The following DOCK3 variants were observed in gnomAD, a reference collection of about 807,000 sequenced individuals.
DOCK3 encodes the protein dedicator of cytokinesis 3.
DOCK3 carries 60 observed loss-of-function variants against 265.6 expected under a neutral mutation model. The observed-to-expected ratio is 0.23, with a 90% CI of 0.18 to 0.28. DOCK3 has a LOEUF of 0.28. DOCK3 is among the 10% of genes least tolerant of loss of function. The pLI, the probability that DOCK3 is intolerant of heterozygous loss-of-function variation, is 1.00. For synonymous variants in DOCK3, 881 were observed against 938.0 expected (o/e 0.94, Z 1.11); for missense variants, 1,981 against 2,594.3 (o/e 0.76, Z 5.14).
At chr3:50,964,140 TATC>T (rs2076963127) in intron 5 of DOCK3, among the ~76,000 whole-genome samples, 1 of 152,216 alleles carries the variant, frequency 6.6e-6, no homozygotes, top group South Asian at 2.1e-4. Flanking sequence ...AGTGGGGAAT[TATC>T]ATCAGTAGAT....
At chr3:51,343,276 C>A (rs1260539491) in intron 38 of DOCK3, among the ~76,000 whole-genome samples, 1 of 152,124 alleles carries the variant, frequency 6.6e-6, no homozygotes, top group African/African-American at 2.4e-5. Context: ...CAAGGCAAGC[C>A]CCTCCTGGCT....
At chr3:51,286,713 T>C (rs544234145) in intron 27 of DOCK3, among the ~76,000 whole-genome samples, 1 of 152,128 alleles carries the variant, frequency 6.6e-6, no homozygotes, top group Non-Finnish European at 1.5e-5. Context: ...AAACAAGCAA[T>C]GGGGAAAAGA....
intron 4 of DOCK3, among the ~76,000 whole-genome samples, chr3:50,930,380 G>T (rs924368741): frequency 1.3e-5 from 2 of 152,172 alleles, no homozygotes; most frequent in African/African-American, 4.8e-5. Context: ...AGCCTCACTG[G>T]TGCAAGTCTT....
intron 49 of DOCK3, among the ~76,000 whole-genome samples, chr3:51,363,957 G>A (rs2086935924): frequency 1.3e-5 from 2 of 152,228 alleles, no homozygotes. Context: ...ACATGTGCAT[G>A]TGTCTTTATA....
chr3:50,715,166 G>A (rs2037022219), intron 1 of DOCK3, among the ~76,000 whole-genome samples: 1 of 152,242 alleles, frequency 6.6e-6, no homozygotes, highest in Non-Finnish European at 1.5e-5. Context: ...TGTACTGAAT[G>A]TTGAGAAATG....
chr3:51,342,933 C>A (rs1293403362), intron 38 of DOCK3, among the ~76,000 whole-genome samples: 1 of 152,188 alleles, frequency 6.6e-6, no homozygotes, highest in African/African-American at 2.4e-5. Context: ...TGAGCCCCCT[C>A]ATGAGCTCAT....
In DOCK3 at chr3:51,323,780, GAAGC is replaced by G. The variant is rs201874134; in HGVS notation, c.3403-6354_3403-6351del. Among the ~76,000 whole-genome samples the G allele has an allele frequency of 3.9e-3, 592 of 152,184 alleles. 6 individuals carry two copies. Among genetic ancestry groups the G allele is most frequent in the African/African-American group, 0.013 (558 of 41,502 alleles). ...TAACATCACAATTAAAAAAACTAGA[GAAGC>G]AAGAGCAAACAAATTCAAAAGCTAG... On this transcript the variant is annotated intron_variant, in intron 32 of 52. Coordinates refer to ENST00000266037, the MANE Select transcript of DOCK3 (RefSeq NM_004947.5).
chr3:51,278,746 T>C (rs2080955554), intron 26 of DOCK3, among the ~76,000 whole-genome samples: 2 of 152,192 alleles, frequency 1.3e-5, no homozygotes, highest in South Asian at 2.1e-4. Flanking sequence ...TTAGCAATAC[T>C]AAGGAAGTGA....
At chr3:51,109,797 G>A (rs1043119093) in intron 9 of DOCK3, among the ~76,000 whole-genome samples, 10 of 151,942 alleles carry the variant, frequency 6.6e-5, no homozygotes, top group Admixed American at 5.3e-4. Context: ...GCCAGTCATG[G>A]TGGCACACAC....
At chr3:51,129,242 G>C (rs1004467123) in intron 9 of DOCK3, among the ~76,000 whole-genome samples, 2 of 152,212 alleles carry the variant, frequency 1.3e-5, no homozygotes, top group African/African-American at 4.8e-5. Context: ...CTTCACTGCT[G>C]TCCTACAGGG....
At chr3:51,057,350 G>C (rs1490251990) in intron 5 of DOCK3, among the ~76,000 whole-genome samples, 1 of 152,138 alleles carries the variant, frequency 6.6e-6, no homozygotes, top group Non-Finnish European at 1.5e-5. Context: ...ACAAATATTA[G>C]TCTGTAGGGT....
intron 22 of DOCK3, among the ~76,000 whole-genome samples, chr3:51,249,762 G>A (rs1344671890): frequency 5.5e-5 from 6 of 108,952 alleles, no homozygotes; most frequent in African/African-American, 1.1e-4. Flanking sequence ...CCACCACCCC[G>A]TCTGGGAGGT....
At chr3:51,322,172 G>A (rs2083773862) in intron 32 of DOCK3, among the ~76,000 whole-genome samples, 1 of 152,076 alleles carries the variant, frequency 6.6e-6, no homozygotes, top group Non-Finnish European at 1.5e-5. Flanking sequence ...AGAGAGTGGG[G>A]GCCAATATTC....
At chr3:50,996,161 A>G (rs1418212594) in intron 5 of DOCK3, among the ~76,000 whole-genome samples, 1 of 151,750 alleles carries the variant, frequency 6.6e-6, no homozygotes. Context: ...GGCATGAGCC[A>G]CTGCATCTGG....
chr3:51,271,013 T>A lies in DOCK3; in HGVS notation c.2548+6T>A, dbSNP rs371514131. On this transcript the variant is annotated splice_donor_region_variant and intron_variant, in intron 24 of 52. Coordinates refer to ENST00000266037, the MANE Select transcript of DOCK3 (RefSeq NM_004947.5). Reference sequence around the variant, plus strand: ...CCGCCTGTTTTCTTTCTCAGGTAAATCAAGTTGGGATGAGAGTCCTCCTTC... The same window carrying A: ...CCGCCTGTTTTCTTTCTCAGGTAAAACAAGTTGGGATGAGAGTCCTCCTTC... The A allele has an allele frequency of 2.2e-3, 3,515 of 1,609,812 alleles. 93 individuals are homozygous for A. The South Asian group carries it at 0.037, about 17-fold the overall frequency.
chr3:51,159,287 C>T lies in DOCK3; in HGVS notation c.872C>T (p.Ala291Val), dbSNP rs2086013554. 1 of 1,613,348 alleles carries T rather than the reference C, an allele frequency of 6.2e-7. No individual in the cohort carries two copies. Among genetic ancestry groups the T allele is most frequent in the Non-Finnish European group, 8.5e-7 (1 of 1,179,470 alleles). ...ATGAAGAGAGATTTGTATATCGTTG[C>T]CCATGTGATCCGAATAGGTACTGTT... ...KDMKRDLYIV[A>V]HVIRIGRMLL... Residue 291 changes from alanine (A) to valine (V), a missense_variant, in exon 11 of 53, where the codon GCC becomes GTC. Ala to Val is a moderately conservative substitution (Grantham distance 64). Coordinates refer to ENST00000266037, the MANE Select transcript of DOCK3 (RefSeq NM_004947.5).
chr3:51,115,320 T>C (rs1393597248), intron 9 of DOCK3, among the ~76,000 whole-genome samples: 1 of 152,228 alleles, frequency 6.6e-6, no homozygotes, highest in African/African-American at 2.4e-5. Flanking sequence ...TTTCCTGACT[T>C]TTTAATGATC....
rs2090368288 is a variant in DOCK3 at position 51,227,313 on chromosome 3, A to C, written c.1408A>C (p.Asn470His). The C allele has an allele frequency of 6.2e-7, 1 of 1,613,744 alleles. No homozygotes were observed. Among genetic ancestry groups the C allele is most frequent in the South Asian group, 1.1e-5 (1 of 91,080 alleles). Reference sequence around the variant, plus strand: ...CATCAGCTTGGGTTCAGGAGAGCCAAATAGGAGTTCCTACCACTCCTTTGT... The same window carrying C: ...CATCAGCTTGGGTTCAGGAGAGCCACATAGGAGTTCCTACCACTCCTTTGT... ...DCISLGSGEP[N>H]RSSYHSFVLY... Residue 470 changes from asparagine (N) to histidine (H), a missense_variant, in exon 16 of 53, where the codon AAT (asparagine) becomes CAT (histidine). By Grantham distance (68) the Asn-to-His change is moderately conservative. Coordinates refer to ENST00000266037, the MANE Select transcript of DOCK3 (RefSeq NM_004947.5).
intron 49 of DOCK3, among the ~76,000 whole-genome samples, chr3:51,372,849 C>G (rs1325060455): frequency 6.6e-6 from 1 of 152,184 alleles, no homozygotes; most frequent in Non-Finnish European, 1.5e-5. Context: ...TTTCATTTCT[C>G]TTTACATAGC....
Sources: allele counts gnomAD v4.1 joint callset (sites outside exome capture counted in the v4.1 genomes callset), GRCh38; gene constraint gnomAD v4.1.1; transcripts MANE v1.5; gene names NCBI Gene and HGNC (gene_info 2026-07-23, HGNC 2026-07-21).